Variants in SERPINB1 observed in about 807,000 individuals in gnomAD.
SERPINB1 encodes leukocyte elastase inhibitor.
In SERPINB1, 23 loss-of-function variants were observed where a neutral mutation model predicts 25.9. That is an observed-to-expected ratio of 0.89 (90% CI 0.64 to 1.26). The LOEUF (loss-of-function observed/expected upper bound fraction) is 1.26, where lower values mean the gene tolerates loss of function less well. Ranked by LOEUF, SERPINB1 falls within the 50% of genes most tolerant of loss-of-function variation. The pLI is 0.00. For missense variants in SERPINB1, 399 were observed against 463.6 expected, an observed-to-expected ratio of 0.86 and a Z score of 1.28; for synonymous variants, 178 against 178.7, an observed-to-expected ratio of 1.00 and a Z score of 0.03.
Position 2,839,390 on chromosome 6 carries a change from G to A in SERPINB1, c.169-704C>T, listed in dbSNP as rs558135437. ...GCTCCATCTGCTTTAATGGAAATGG[G>A]GGAGGAGTCCTTAAAACTATTCTTT... is the stretch of plus-strand genomic sequence containing the variant. On this transcript the variant is annotated intron_variant, in intron 2 of 6. Transcript: ENST00000380739. The A allele has an allele frequency of 1.5e-4, 145 of 984,966 alleles. No homozygotes were observed. The African/African-American group carries it at 2.2e-3, about 15-fold the overall frequency. 61.0% of individuals were successfully genotyped at this position (984,966 alleles called of 1,614,324 possible). A position where few individuals can be genotyped will look rare whatever the true frequency, so the allele number is the denominator to read the frequency against.
At chr6:2,839,489 A>G in intron 2 of SERPINB1, 1 of 981,588 alleles carries the variant, frequency 1.0e-6, no homozygotes. Context: ...ACTAACAATT[A>G]GTAACAGAGG....
intron 4 of SERPINB1, among the ~76,000 whole-genome samples, chr6:2,836,885 A>C (rs911071700): frequency 1.4e-4 from 21 of 152,094 alleles, no homozygotes; most frequent in African/African-American, 4.3e-4. Flanking sequence ...AACAAACAAA[A>C]AAACCAGCAG....
At chr6:2,838,881 G>A (rs892497329) in intron 2 of SERPINB1, among the ~76,000 whole-genome samples, 195 bp from the exon 3 acceptor site, 1 of 152,188 alleles carries the variant, frequency 6.6e-6, no homozygotes, top group Non-Finnish European at 1.5e-5. Flanking sequence ...TCGTGAGACA[G>A]AATGTTTACA....
intron 6 of SERPINB1, 59 bp downstream of exon 6, chr6:2,835,797 C>T: frequency 6.5e-7 from 1 of 1,548,172 alleles, no homozygotes; most frequent in Non-Finnish European, 8.7e-7. Context: ...AAGCACCTAC[C>T]TACCATGCGA....
chr6:2,835,946 A>G lies in SERPINB1; in HGVS notation c.645T>C (p.Arg215=). The part of the protein sequence containing the change: ...AYGYIEDLKC[R]VLELPYQGEE... ...CGCCTTGGTAAGGCAGTTCCAGCAC[A>G]CGGCACTTAAGGTCCTCGATGTAGC... Residue 215 remains arginine, a synonymous_variant, in exon 6 of 7, where the codon CGT becomes CGC. Coordinates refer to ENST00000380739, the MANE Select transcript of SERPINB1 (RefSeq NM_030666.4). The G allele has an allele frequency of 1.2e-6, 2 of 1,614,144 alleles. No individual in the cohort carries two copies. The highest frequency in any genetic ancestry group is 1.7e-6 in the Non-Finnish European group (2 of 1,180,028).
chr6:2,839,433 C>G, intron 2 of SERPINB1: 9 of 984,614 alleles, frequency 9.1e-6, no homozygotes, highest in Non-Finnish European at 1.1e-5. Flanking sequence ...TTTTAAAGTC[C>G]CTGGAAAACC....
At chr6:2,836,058 C>T (rs1242698344) in intron 5 of SERPINB1, 35 bp from the exon 6 acceptor site, 4 of 1,613,512 alleles carry the variant, frequency 2.5e-6, no homozygotes, top group Admixed American at 1.7e-5. Flanking sequence ...AAATTATTCT[C>T]TGCATTCTTT....
rs758908177 is a variant in SERPINB1 at position 2,834,021 on chromosome 6, A to G, written c.736-9T>C. ...GTCAACTGTTCCTCAATCTGCAATT[A>G]AAAATGAGGCGAAAGAGGAAGTGAT... is the stretch of plus-strand genomic sequence containing the variant. On this transcript the variant is annotated splice_polypyrimidine_tract_variant and intron_variant, in intron 6 of 6. Transcript: ENST00000380739. 2 of 1,580,422 alleles carry G rather than the reference A, an allele frequency of 1.3e-6. No homozygotes were observed. Among genetic ancestry groups the G allele is most frequent in the Non-Finnish European group, 1.7e-6 (2 of 1,164,804 alleles).
intron 4 of SERPINB1, 113 bp from the exon 5 acceptor site, chr6:2,836,363 C>T: frequency 8.6e-7 from 1 of 1,162,284 alleles, no homozygotes; most frequent in Non-Finnish European, 1.2e-6. Context: ...ACTTAATTTT[C>T]ATTTAACAAG....
chr6:2,836,074 C>G (rs765619019), intron 5 of SERPINB1, 34 bp downstream of exon 5: 1 of 1,613,372 alleles, frequency 6.2e-7, no homozygotes, highest in Non-Finnish European at 8.5e-7. Context: ...TCTTTTAGAG[C>G]AATGCATGAC....
rs186124187 is a variant in SERPINB1 at position 2,839,294 on chromosome 6, A to G, written c.169-608T>C. On this transcript the variant is annotated intron_variant, in intron 2 of 6. Coordinates refer to ENST00000380739, the MANE Select transcript of SERPINB1 (RefSeq NM_030666.4). ...CTGGTTCCTTTATGATTAAGACACA[A>G]AGAACAAAATTGCATAGGGTACGAA... 3.5e-5 allele frequency: 34 copies of G among 985,260 alleles called. No individual in the cohort carries two copies. In the African/African-American group the frequency reaches 5.4e-4, roughly 16 times the overall value. The allele number at this position is 985,260 out of a possible 1,614,324, so 61.0% of individuals were successfully genotyped here.
In SERPINB1 at chr6:2,837,037, T is replaced by C. The variant is rs192988917; in HGVS notation, c.425-787A>G. On this transcript the variant is annotated intron_variant, in intron 4 of 6. Transcript: ENST00000380739. The surrounding 1 kb of genome is among the most constrained non-coding windows in gnomAD (Gnocchi z 4.3). The stretch of plus-strand genomic sequence containing the variant: ...AGAGAGATGTAGCAAAGAAATAAAT[T>C]GCACCCTAAAAGCAAGTCAGTCCCC... Among the ~76,000 whole-genome samples the C allele has an allele frequency of 1.8e-4, 28 of 152,054 alleles. No individual in the cohort carries two copies. Among genetic ancestry groups the C allele is most frequent in the African/African-American group, 6.5e-4 (27 of 41,468 alleles).
chr6:2,835,112 C>T (rs1334877820), intron 6 of SERPINB1, among the ~76,000 whole-genome samples: 1 of 152,058 alleles, frequency 6.6e-6, no homozygotes, highest in Non-Finnish European at 1.5e-5. Context: ...AACATTAGAC[C>T]CCCTTCCTGA....
At chr6:2,835,131 A>G (rs1446115119) in intron 6 of SERPINB1, among the ~76,000 whole-genome samples, 2 of 152,236 alleles carry the variant, frequency 1.3e-5, no homozygotes, top group African/African-American at 2.4e-5. Flanking sequence ...GATAGCAAGG[A>G]TGATGAATAG....
rs3054472 is a variant in SERPINB1, at chr6:2,832,806, C to CAAA, written c.*799_*801dup. ...TGGGTAACAGAGCAAGACTCTGTCT[C>CAAA]AAAAAAAAAAAAAAGAAAGAAAGAA... On this transcript the variant is annotated 3_prime_UTR_variant, in exon 7 of 7. Coordinates refer to ENST00000380739, the MANE Select transcript of SERPINB1 (RefSeq NM_030666.4). The CAAA allele has an allele frequency of 5.8e-3, 553 of 95,246 alleles. 1 individual carries two copies. Among genetic ancestry groups the CAAA allele is most frequent in the African/African-American group, 0.018 (525 of 28,950 alleles). The allele number at this position is 95,246 out of a possible 1,614,324, so 5.9% of individuals were successfully genotyped here.
At chr6:2,839,578 G>A (rs1408605987) in intron 2 of SERPINB1, 2 of 765,190 alleles carry the variant, frequency 2.6e-6, no homozygotes, top group Non-Finnish European at 3.2e-6. Flanking sequence ...AAGTTTCGCA[G>A]CCCCTTGAAC....
rs758961445 is a variant in SERPINB1, at chr6:2,840,593, A to G, written c.-7T>C. On this transcript the variant is annotated splice_region_variant and 5_prime_UTR_variant, in exon 2 of 7. Coordinates refer to ENST00000380739, the MANE Select transcript of SERPINB1 (RefSeq NM_030666.4). ...CTGAGCTCAGCTGCTCCATGGTGAA[A>G]ACTGCAACACAGAACAGGGTCCTCA... The G allele has an allele frequency of 6.0e-5, 97 of 1,610,258 alleles. No individual in the cohort carries two copies. The highest frequency in any genetic ancestry group is 7.8e-5 in the Non-Finnish European group (92 of 1,178,118).
rs960772757 is a variant in SERPINB1 at position 2,837,527 on chromosome 6, C to G, written c.424+355G>C. On this transcript the variant is annotated intron_variant, in intron 4 of 6. Coordinates refer to ENST00000380739, the MANE Select transcript of SERPINB1 (RefSeq NM_030666.4). This position sits in a 1 kb window ranked among gnomAD's most constrained non-coding sequence, Gnocchi z 4.3. Reference sequence around the variant, plus strand: ...AACTCCTGACCTCAAATGATCCGCCCGCCTTGGGCTCCCAAAGTGCTGGGA... The same window carrying G: ...AACTCCTGACCTCAAATGATCCGCCGGCCTTGGGCTCCCAAAGTGCTGGGA... 1.3e-5 allele frequency among the ~76,000 whole-genome samples: 2 copies of G among 152,118 alleles called. No homozygotes were observed. Among genetic ancestry groups the G allele is most frequent in the Non-Finnish European group, 2.9e-5 (2 of 68,024 alleles).
chr6:2,839,273 T>C (rs529879331), intron 2 of SERPINB1: 1 of 976,808 alleles, frequency 1.0e-6, no homozygotes, highest in Non-Finnish European at 1.2e-6. Context: ...CCTAGGCTGG[T>C]TCCTTTATGA....
Sources: gnomAD v4.1 joint callset for allele counts (sites outside exome capture counted in the v4.1 genomes callset) on GRCh38, gnomAD v4.1.1 for gene constraint, Gnocchi (gnomAD v3.1) non-coding constraint, MANE v1.5 for transcripts, NCBI Gene and HGNC (gene_info 2026-07-23, HGNC 2026-07-21) for gene names.